The following SLCO1B3 variants were observed in gnomAD, a reference collection of about 807,000 sequenced individuals.
SLCO1B3 encodes the protein solute carrier organic anion transporter family member 1B3.
SLCO1B3 carries 72 observed loss-of-function variants against 71.8 expected under a neutral mutation model. The ratio of observed to expected loss-of-function variants is 1.00; its 90% CI spans 0.83 to 1.22. The LOEUF is 1.22. Ranked by LOEUF, SLCO1B3 falls within the 50% of genes most tolerant of loss-of-function variation. The pLI is 0.00. For synonymous variants in SLCO1B3, 298 were observed against 278.4 expected, an observed-to-expected ratio of 1.07 and a Z score of -0.70; for missense variants, 911 against 819.7, an observed-to-expected ratio of 1.11 and a Z score of -1.36.
intron 3 of SLCO1B3, among the ~76,000 whole-genome samples, chr12:20,825,036 A>T (rs1002940331): frequency 5.9e-5 from 9 of 152,184 alleles, no homozygotes; most frequent in African/African-American, 2.2e-4. Flanking sequence ...GAGAGACTGC[A>T]TGAGGCCAAT....
At chr12:20,860,374 G>T (rs1865236015) in intron 5 of SLCO1B3, among the ~76,000 whole-genome samples, 1 of 152,194 alleles carries the variant, frequency 6.6e-6, no homozygotes, top group South Asian at 2.1e-4. Flanking sequence ...TACAAACACT[G>T]TGTGTTTTAT....
chr12:20,851,435 T>C (rs1169320380), intron 3 of SLCO1B3, among the ~76,000 whole-genome samples: 2 of 152,210 alleles, frequency 1.3e-5, no homozygotes, highest in Admixed American at 1.3e-4. Flanking sequence ...GAGCATCTTT[T>C]CATATGTTTA....
At chr12:20,894,721 G>A (rs770113224) in intron 13 of SLCO1B3, among the ~76,000 whole-genome samples, 9 of 152,164 alleles carry the variant, frequency 5.9e-5, no homozygotes, top group Non-Finnish European at 8.8e-5. Flanking sequence ...ATATTTGAGA[G>A]TAATAACTAA....
At chr12:20,861,529 T>G (rs544797276) in intron 6 of SLCO1B3, among the ~76,000 whole-genome samples, 25 of 152,070 alleles carry the variant, frequency 1.6e-4, no homozygotes, top group African/African-American at 5.3e-4. Flanking sequence ...CATTTAGAAG[T>G]AGATAAGAAA....
intron 1 of SLCO1B3, among the ~76,000 whole-genome samples, chr12:20,812,824 A>G (rs1317178780): frequency 6.6e-6 from 1 of 152,176 alleles, no homozygotes; most frequent in East Asian, 1.9e-4. Context: ...ATAAAGAAAA[A>G]GAAAACTCTA....
chr12:20,824,053 A>G (rs1279064074), intron 3 of SLCO1B3, among the ~76,000 whole-genome samples: 1 of 152,190 alleles, frequency 6.6e-6, no homozygotes, highest in Non-Finnish European at 1.5e-5. Flanking sequence ...AATTGAGAAT[A>G]CTCTCAAAAT....
chr12:20,875,040 C>A (rs1865548635), intron 8 of SLCO1B3, among the ~76,000 whole-genome samples, 195 bp from the exon 9 acceptor site: 1 of 152,080 alleles, frequency 6.6e-6, no homozygotes, highest in African/African-American at 2.4e-5. Context: ...TGGACAATAG[C>A]AATTGCAAGA....
chr12:20,901,613 A>G, intron 15 of SLCO1B3, 146 bp downstream of exon 15: 1 of 533,658 alleles, frequency 1.9e-6, no homozygotes, highest in Non-Finnish European at 3.3e-6. Flanking sequence ...TGTATCAAGC[A>G]TTCTGGTATC....
chr12:20,828,420 G>C (rs1263400052), intron 3 of SLCO1B3, among the ~76,000 whole-genome samples: 1 of 152,090 alleles, frequency 6.6e-6, no homozygotes, highest in South Asian at 2.1e-4. Context: ...CCAAAAAGGA[G>C]TCTGGGAGGA....
At chr12:20,911,441 T>G (rs1318900804) in intron 15 of SLCO1B3, among the ~76,000 whole-genome samples, 2 of 152,184 alleles carry the variant, frequency 1.3e-5, no homozygotes, top group Non-Finnish European at 2.9e-5. Flanking sequence ...GGTATTAGGA[T>G]AATGCTGACC....
chr12:20,856,017 A>T (rs952526785), intron 4 of SLCO1B3, among the ~76,000 whole-genome samples: 10 of 152,274 alleles, frequency 6.6e-5, no homozygotes, highest in South Asian at 2.1e-4. Context: ...AGGAAGATTT[A>T]TCTCTTTATA....
chr12:20,827,221 A>G (rs1027335814), intron 3 of SLCO1B3, among the ~76,000 whole-genome samples: 2 of 152,200 alleles, frequency 1.3e-5, no homozygotes, highest in African/African-American at 2.4e-5. Context: ...GATAAATATT[A>G]AACTGCTTGA....
chr12:20,817,281 C>T (rs1031727449), intron 3 of SLCO1B3, among the ~76,000 whole-genome samples: 1 of 152,120 alleles, frequency 6.6e-6, no homozygotes, highest in East Asian at 1.9e-4. Flanking sequence ...AATTTTTGCC[C>T]AGATGAACGT....
intron 13 of SLCO1B3, among the ~76,000 whole-genome samples, chr12:20,894,986 G>A (rs1260602787): frequency 6.6e-6 from 1 of 152,174 alleles, no homozygotes; most frequent in East Asian, 1.9e-4. Context: ...GGTGGCAGCA[G>A]GCAAAGGGAG....
At chr12:20,825,481 C>A (rs938860693) in intron 3 of SLCO1B3, among the ~76,000 whole-genome samples, 2 of 151,790 alleles carry the variant, frequency 1.3e-5, no homozygotes, top group Admixed American at 6.6e-5. Flanking sequence ...CTTTTTAGAC[C>A]CAGAAGTAAA....
At chr12:20,857,182 A>G (rs901506102) in intron 4 of SLCO1B3, among the ~76,000 whole-genome samples, 1 of 152,144 alleles carries the variant, frequency 6.6e-6, no homozygotes, top group Admixed American at 6.5e-5. Context: ...TCATGCACTG[A>G]TATGCATCTC....
chr12:20,872,997 C>T (rs933928513), intron 8 of SLCO1B3, among the ~76,000 whole-genome samples: 1 of 152,066 alleles, frequency 6.6e-6, no homozygotes, highest in Non-Finnish European at 1.5e-5. Context: ...CTTATCAGCA[C>T]CTTTACACAT....
At chr12:20,855,623 C>G (rs908170173) in intron 4 of SLCO1B3, among the ~76,000 whole-genome samples, 9 of 149,564 alleles carry the variant, frequency 6.0e-5, no homozygotes, top group African/African-American at 1.2e-4. Context: ...CTAGATTCTA[C>G]TGTTTAACTG....
In SLCO1B3 at chr12:20,817,879, G is replaced by A. The variant is rs530664606; in HGVS notation, c.84+2057G>A. Among the ~76,000 whole-genome samples the A allele has an allele frequency of 7.2e-5, 11 of 152,178 alleles. 1 individual carries two copies. Among genetic ancestry groups the A allele is most frequent in the Admixed American group, 3.9e-4 (6 of 15,298 alleles). ...TGCTGGGATTACAGCTTGAGCCACC[G>A]TGCCTGGCCACTCTGTAGTCACTCT... is the stretch of plus-strand genomic sequence containing the variant. On this transcript the variant is annotated intron_variant, in intron 3 of 15. Transcript: ENST00000381545.
Sources: gnomAD v4.1 joint callset for allele counts (sites outside exome capture counted in the v4.1 genomes callset) on GRCh38, gnomAD v4.1.1 for gene constraint, MANE v1.5 for transcripts, NCBI Gene and HGNC (gene_info 2026-07-23, HGNC 2026-07-21) for gene names.